Variants in WDR62 observed in about 807,000 individuals in gnomAD.
WDR62 encodes WD repeat domain 62.
WDR62 carries 112 observed loss-of-function variants against 160.6 expected under a neutral mutation model. The observed-to-expected ratio is 0.70, with a 90% confidence interval of 0.60 to 0.82. The LOEUF (loss-of-function observed/expected upper bound fraction) is 0.82. WDR62 is among the 40% of genes least tolerant of loss of function. WDR62 has a pLI of 0.00. For synonymous variants in WDR62, 792 were observed against 815.1 expected, an observed-to-expected ratio of 0.97 and a Z score of 0.48; for missense variants, 1,819 against 1,983.8, an observed-to-expected ratio of 0.92 and a Z score of 1.58.
intron 3 of WDR62, 192 bp downstream of exon 3, chr19:36,060,222 T>C: frequency 1.6e-6 from 1 of 644,070 alleles, no homozygotes; most frequent in Non-Finnish European, 2.8e-6. Context: ...GAGACGAGAA[T>C]CTCTGCTGGC....
At chr19:36,106,252 G>T (rs867204221), downstream of WDR62, among the ~76,000 whole-genome samples, 2 of 151,732 alleles carry the variant, frequency 1.3e-5, no homozygotes, top group Admixed American at 6.6e-5. Flanking sequence ...TGTAGTCCCA[G>T]CTACTCAGGA....
chr19:36,085,436 T>TTTTTTTTTTTTTTTC (rs1972161792), intron 12 of WDR62, among the ~76,000 whole-genome samples: 1 of 124,562 alleles, frequency 8.0e-6, no homozygotes, highest in Non-Finnish European at 1.7e-5. Flanking sequence ...TTTTTTTTTT[T>TTTTTTTTTTTTTTTC]TGAGACAAGA....
intron 9 of WDR62, among the ~76,000 whole-genome samples, chr19:36,074,673 GC>G (rs755143142): frequency 2.6e-4 from 40 of 152,174 alleles, no homozygotes; most frequent in Non-Finnish European, 4.7e-4. Flanking sequence ...GCAGCATTCA[GC>G]CTATGACTCT....
rs762609101 is a variant in WDR62 at position 36,097,042 on chromosome 19, T to C, written c.2483T>C (p.Leu828Pro). 6.2e-7 allele frequency: 1 copy of C among 1,613,454 alleles called. No individual in the cohort carries two copies. The highest frequency in any genetic ancestry group is 2.2e-5 in the East Asian group (1 of 44,878). Residue 828 changes from leucine to proline, a missense_variant, in exon 21 of 32, where the codon CTA becomes CCA. Around this residue, in one of 3 missense-constraint regions of WDR62, gnomAD observed 934 missense variants for 1,157.2 expected, o/e 0.81. Coordinates refer to ENST00000401500, the MANE Select transcript of WDR62 (RefSeq NM_001083961.2). ...DSLDPDPRCL[L>P]TNGKLPLWAK... ...GTCTTTCCAGATCCTCGTTGCCTGCTAACCAACGGCAAGCTGCCACTGTGG... is the reference window on the plus strand; with the variant it reads ...GTCTTTCCAGATCCTCGTTGCCTGCCAACCAACGGCAAGCTGCCACTGTGG...
At chr19:36,073,251 A>G in intron 8 of WDR62, 91 bp from the exon 9 acceptor site, 2 of 1,240,324 alleles carry the variant, frequency 1.6e-6, no homozygotes, top group South Asian at 1.2e-5. Flanking sequence ...GAGGGATGGC[A>G]TTGCCGGGGA....
chr19:36,101,217 G>A lies in WDR62; in HGVS notation c.2871G>A (p.Gln957=). 6.2e-7 allele frequency: 1 copy of A among 1,612,172 alleles called. No homozygotes were observed. The change falls in exon 24 of 32, where the codon CAG becomes CAA. Residue 957 remains glutamine (Q), a synonymous_variant. Coordinates refer to ENST00000401500, the MANE Select transcript of WDR62 (RefSeq NM_001083961.2). ...AEVTVTGTDS[Q]YCRKEVEAGP... is the part of the protein sequence containing the mutation. ...TCTGCCCCCACTGGCACTGCAGCCA[G>A]TATTGCAGGAAGGAGGTGGAGGCCG...
intron 9 of WDR62, among the ~76,000 whole-genome samples, chr19:36,080,304 CG>C (rs56045802): frequency 0.072 from 10,851 of 150,166 alleles, 454 homozygotes; most frequent in South Asian, 0.094. Context: ...TTAGTAGAGA[CG>C]GGGTTTCACC....
intron 13 of WDR62, among the ~76,000 whole-genome samples, chr19:36,087,464 G>A (rs1472361647): frequency 1.3e-5 from 2 of 149,070 alleles, no homozygotes; most frequent in East Asian, 2.0e-4. Flanking sequence ...CCAAGATTGC[G>A]CCAGTGACTC....
intron 20 of WDR62, among the ~76,000 whole-genome samples, chr19:36,095,360 G>C (rs1401727927): frequency 6.6e-6 from 1 of 152,194 alleles, no homozygotes; most frequent in Non-Finnish European, 1.5e-5. Flanking sequence ...TCTTAGGGTT[G>C]TGTGGCTCAT....
chr19:36,066,439 C>T lies in WDR62; in HGVS notation c.561+12C>T, dbSNP rs1258856056. On this transcript the variant is annotated intron_variant, in intron 5 of 31. Coordinates refer to ENST00000401500, the MANE Select transcript of WDR62 (RefSeq NM_001083961.2). The stretch of plus-strand genomic sequence containing the variant: ...TCTGGGACTGGAAGGTAAGAGCCGA[C>T]CAGCAGGCCTGTGGCAGGCAGCCAG... 6.3e-7 allele frequency: 1 copy of T among 1,583,646 alleles called. No individual in the cohort carries two copies. The highest frequency in any genetic ancestry group is 8.6e-7 in the Non-Finnish European group (1 of 1,165,492).
intron 3 of WDR62, chr19:36,061,522 G>C (rs1406366802): frequency 1.3e-5 from 2 of 152,246 alleles, no homozygotes; most frequent in East Asian, 3.9e-4. Context: ...CTGGCCTCTG[G>C]GGCCCAAATT....
chr19:36,097,997 C>T (rs1019121223), intron 21 of WDR62, among the ~76,000 whole-genome samples: 1 of 152,184 alleles, frequency 6.6e-6, no homozygotes, highest in Admixed American at 6.6e-5. Context: ...GCAAGTGAGA[C>T]AGGCAGATAC....
downstream of WDR62, among the ~76,000 whole-genome samples, chr19:36,106,053 G>T (rs1425094656): frequency 6.6e-6 from 1 of 152,212 alleles, no homozygotes; most frequent in Non-Finnish European, 1.5e-5. Context: ...AGGCAGGCTT[G>T]CCCACTGTAT....
Position 36,079,886 on chromosome 19 carries a change from A to G in WDR62, c.1234-1547A>G, listed in dbSNP as rs546388369. On this transcript the variant is annotated intron_variant, in intron 9 of 31. Transcript: ENST00000401500. Reference sequence around the variant, plus strand: ...GTTGTCTGTAGGTTTGGGTTTTGCTATCTGGTTGATGTTTTTCTTATGTCG... The same window carrying G: ...GTTGTCTGTAGGTTTGGGTTTTGCTGTCTGGTTGATGTTTTTCTTATGTCG... Among the ~76,000 whole-genome samples, 5 of 152,206 alleles carry G rather than the reference A, an allele frequency of 3.3e-5. No individual in the cohort carries two copies. The South Asian group carries it at 8.3e-4, about 25-fold the overall frequency.
In WDR62 at chr19:36,073,669, G is replaced by A. The variant is rs562489159; in HGVS notation, c.1233+138G>A. On this transcript the variant is annotated intron_variant, in intron 9 of 31. Coordinates refer to ENST00000401500, the MANE Select transcript of WDR62 (RefSeq NM_001083961.2). ...ATCAGGCCCTGTCCTAGGTGCTGAGGACACAGACACAAAATCCCTGCCCTT... is the reference window on the plus strand; with the variant it reads ...ATCAGGCCCTGTCCTAGGTGCTGAGAACACAGACACAAAATCCCTGCCCTT... 10 of 759,936 alleles carry A rather than the reference G, an allele frequency of 1.3e-5. No homozygotes were observed. The African/African-American group carries it at 1.4e-4, about 10-fold the overall frequency. The allele number at this position is 759,936 out of a possible 1,614,324, so 47.1% of individuals were successfully genotyped here.
intron 1 of WDR62, among the ~76,000 whole-genome samples, chr19:36,056,138 C>G (rs567447728): frequency 6.6e-6 from 1 of 152,264 alleles, no homozygotes; most frequent in Non-Finnish European, 1.5e-5. Context: ...TGCACTCCAG[C>G]CTGGGCGACA....
chr19:36,059,877 G>A (rs1431675002), intron 2 of WDR62, 91 bp from the exon 3 acceptor site: 2 of 1,392,214 alleles, frequency 1.4e-6, no homozygotes, highest in African/African-American at 2.8e-5. Flanking sequence ...GAGGGAGCTT[G>A]TTTATTTGTG....
intron 3 of WDR62, 187 bp downstream of exon 3, chr19:36,060,217 G>A (rs1409990309): frequency 7.7e-6 from 5 of 648,152 alleles, no homozygotes; most frequent in African/African-American, 1.8e-5. Context: ...CAGAGGAGAC[G>A]AGAATCTCTG....
intron 13 of WDR62, 53 bp from the exon 14 acceptor site, chr19:36,088,985 C>CCCCTGCCCATGTGG (rs1568353870): frequency 6.3e-7 from 1 of 1,598,710 alleles, no homozygotes; most frequent in Non-Finnish European, 8.6e-7. Flanking sequence ...CAGCTAGGGT[C>CCCCTGCCCATGTGG]CCCTGCCCAT....
Sources: allele counts gnomAD v4.1 joint callset (sites outside exome capture counted in the v4.1 genomes callset), GRCh38; gene constraint gnomAD v4.1.1; regional missense constraint gnomAD v4.1.1; transcripts MANE v1.5; gene names NCBI Gene and HGNC (gene_info 2026-07-23, HGNC 2026-07-21).